Variants in TNS3 observed in about 807,000 individuals in gnomAD.
TNS3 encodes the protein tensin-3.
Under a neutral mutation model 140.9 loss-of-function variants are expected in TNS3, and 45 were observed. The ratio of observed to expected loss-of-function variants is 0.32; its 90% CI spans 0.25 to 0.41. The LOEUF (loss-of-function observed/expected upper bound fraction) is 0.41. TNS3 is among the 10% of genes least tolerant of loss of function. The pLI, the probability that TNS3 is intolerant of heterozygous loss-of-function variation, is 1.00. For synonymous variants in TNS3, 815 were observed against 788.4 expected (o/e 1.03, Z -0.56); for missense variants, 1,716 against 1,906.7 (o/e 0.90, Z 1.86).
At chr7:47,361,541 C>G (rs1790336089) in intron 17 of TNS3, among the ~76,000 whole-genome samples, 1 of 152,208 alleles carries the variant, frequency 6.6e-6, no homozygotes, top group Non-Finnish European at 1.5e-5. Context: ...AGGCTGTGAG[C>G]CTTCTGCCAC....
chr7:47,380,040 C>A (rs1195299116), intron 16 of TNS3, among the ~76,000 whole-genome samples: 1 of 152,268 alleles, frequency 6.6e-6, no homozygotes, highest in African/African-American at 2.4e-5. Context: ...CATCCCACTG[C>A]AGAGCAGGAG....
intron 4 of TNS3, among the ~76,000 whole-genome samples, chr7:47,464,153 C>T (rs182238968): frequency 3.7e-4 from 56 of 152,276 alleles, no homozygotes; most frequent in African/African-American, 1.2e-3. Flanking sequence ...GCTGCAGATG[C>T]CTTCTTCTAA....
chr7:47,340,371 C>T (rs1788931501), intron 20 of TNS3, among the ~76,000 whole-genome samples: 1 of 150,868 alleles, frequency 6.6e-6, no homozygotes, highest in Admixed American at 6.6e-5. Flanking sequence ...TCTGCCCACC[C>T]CTGCCTCCCA....
intron 11 of TNS3, 94 bp from the exon 12 acceptor site, chr7:47,414,091 A>G: frequency 7.6e-7 from 1 of 1,320,090 alleles, no homozygotes; most frequent in Non-Finnish European, 1.1e-6. Flanking sequence ...CGAGGAGACC[A>G]GGAGACTGCA....
intron 16 of TNS3, among the ~76,000 whole-genome samples, chr7:47,371,082 AG>A (rs946866578): frequency 2.0e-5 from 3 of 152,212 alleles, no homozygotes; most frequent in Non-Finnish European, 2.9e-5. Flanking sequence ...GAGTGGACAC[AG>A]GGGTATGGGC....
At chr7:47,376,157 G>C (rs552471551) in intron 16 of TNS3, among the ~76,000 whole-genome samples, 5 of 152,224 alleles carry the variant, frequency 3.3e-5, no homozygotes, top group African/African-American at 9.6e-5. Context: ...ACTCAGCCCA[G>C]TCCTGATGAT....
intron 16 of TNS3, among the ~76,000 whole-genome samples, chr7:47,385,400 A>G (rs1345387429): frequency 6.6e-6 from 1 of 152,196 alleles, no homozygotes; most frequent in Non-Finnish European, 1.5e-5. Flanking sequence ...AACAACAACC[A>G]TTAGCCATTC....
intron 4 of TNS3, among the ~76,000 whole-genome samples, chr7:47,469,365 C>T (rs1796851345): frequency 6.6e-6 from 1 of 152,184 alleles, no homozygotes. Context: ...TATCTCACAC[C>T]AGTCAGAATG....
chr7:47,460,212 CAA>C (rs10526565), intron 4 of TNS3, among the ~76,000 whole-genome samples: 453 of 114,280 alleles, frequency 4.0e-3, no homozygotes, highest in African/African-American at 5.9e-3. Flanking sequence ...GACTCTGTCC[CAA>C]AAAAAAAAAA....
At chr7:47,398,670 C>A (rs1792974856) in intron 15 of TNS3, among the ~76,000 whole-genome samples, 1 of 152,164 alleles carries the variant, frequency 6.6e-6, no homozygotes, top group East Asian at 1.9e-4. Flanking sequence ...AAGGGACTTA[C>A]CTCAAAATAA....
At chr7:47,315,132 G>A (rs541318629) in intron 20 of TNS3, among the ~76,000 whole-genome samples, 29 of 152,338 alleles carry the variant, frequency 1.9e-4, no homozygotes, top group African/African-American at 6.0e-4. Flanking sequence ...CTGAACAGAC[G>A]CTCCTTTTAG....
Position 47,302,220 on chromosome 7 carries a change from C to G in TNS3, c.3510G>C (p.Lys1170Asn). ...TTGAAATATCCGCCTTGTACCAGAACTTGGAAGTGTCTTGAACAAATTTCA... is the reference window on the plus strand; with the variant it reads ...TTGAAATATCCGCCTTGTACCAGAAGTTGGAAGTGTCTTGAACAAATTTCA... ...VIVKFVQDTS[K>N]FWYKADISRE... is the part of the protein sequence containing the mutation. The change falls in exon 23 of 31, where the codon AAG (lysine) becomes AAC (asparagine). Residue 1170 changes from lysine to asparagine, a missense_variant. This residue lies in a region of TNS3 where 1,163 missense variants were observed against 1,182.1 expected (regional missense o/e 0.98). Coordinates refer to ENST00000311160, the MANE Select transcript of TNS3 (RefSeq NM_022748.12). 6.2e-7 allele frequency: 1 copy of G among 1,614,240 alleles called. No homozygotes were observed. Among genetic ancestry groups the G allele is most frequent in the South Asian group, 1.1e-5 (1 of 91,086 alleles).
chr7:47,487,015 G>A (rs571598692), intron 3 of TNS3, among the ~76,000 whole-genome samples: 1 of 152,156 alleles, frequency 6.6e-6, no homozygotes, highest in Non-Finnish European at 1.5e-5. Flanking sequence ...GGACTGAAGA[G>A]AGGCCGGGCG....
chr7:47,368,540 G>A lies in TNS3; in HGVS notation c.2106C>T (p.Leu702=). 6.3e-7 allele frequency: 1 copy of A among 1,582,982 alleles called. No individual in the cohort carries two copies. Among genetic ancestry groups the A allele is most frequent in the Non-Finnish European group, 8.6e-7 (1 of 1,159,952 alleles). The change falls in exon 17 of 31, where the codon CTC becomes CTT. Residue 702 remains leucine (L), a synonymous_variant. Coordinates refer to ENST00000311160, the MANE Select transcript of TNS3 (RefSeq NM_022748.12). Reference sequence around the variant, plus strand: ...GATCCAGCTCCAGGATCAGCCTGTTGAGCTGCTCGATGGACTGGTCGATGT... The same window carrying A: ...GATCCAGCTCCAGGATCAGCCTGTTAAGCTGCTCGATGGACTGGTCGATGT... The part of the protein sequence containing the change: ...TLDIDQSIEQ[L]NRLILELDPT...
chr7:47,303,311 C>A lies in TNS3; in HGVS notation c.3096G>T (p.Pro1032=), dbSNP rs745744128. 11 of 1,613,212 alleles carry A rather than the reference C, an allele frequency of 6.8e-6. No individual in the cohort carries two copies. The Admixed American group carries it at 1.8e-4, about 27-fold the overall frequency. ...GCAAGGCCCCCAGGTCCTCCTCGGG[C>A]GGAAGGCCACTTCCCACTGGGGCGG... ...FGTAPVGSGL[P]PEEDLGALLA... The change falls in exon 22 of 31, where the codon CCG becomes CCT. Residue 1032 remains proline, a synonymous_variant. Transcript: ENST00000311160.
intron 1 of TNS3, among the ~76,000 whole-genome samples, chr7:47,548,773 C>T (rs986497364): frequency 2.0e-5 from 3 of 152,120 alleles, no homozygotes; most frequent in Admixed American, 6.6e-5. Flanking sequence ...GCTTCTTCTC[C>T]CCTGACCTGC....
chr7:47,513,936 G>A (rs1010970325), intron 2 of TNS3, among the ~76,000 whole-genome samples: 7 of 152,252 alleles, frequency 4.6e-5, no homozygotes, highest in African/African-American at 1.4e-4. Context: ...GCCCAGAGCT[G>A]TCTGGCTTGC....
intron 4 of TNS3, among the ~76,000 whole-genome samples, chr7:47,462,075 A>T (rs553743208): frequency 6.6e-6 from 1 of 152,330 alleles, no homozygotes; most frequent in East Asian, 1.9e-4. Context: ...CGGTTTTCAG[A>T]CACAATGGAA....
intron 10 of TNS3, among the ~76,000 whole-genome samples, chr7:47,420,578 C>G (rs1262237409): frequency 2.0e-5 from 3 of 152,124 alleles, no homozygotes; most frequent in African/African-American, 7.3e-5. Context: ...ATTCGGGCAG[C>G]CCCCTCTGAG....
Sources: allele counts gnomAD v4.1 joint callset (sites outside exome capture counted in the v4.1 genomes callset), GRCh38; gene constraint gnomAD v4.1.1; regional missense constraint gnomAD v4.1.1; transcripts MANE v1.5; gene names NCBI Gene and HGNC (gene_info 2026-07-23, HGNC 2026-07-21).